The following MCF2L variants were observed in gnomAD, a reference collection of about 807,000 sequenced individuals.
MCF2L encodes MCF.2 cell line derived transforming sequence like.
A neutral mutation model predicts 153.4 loss-of-function variants in MCF2L; 97 were observed. That is an observed-to-expected ratio of 0.63 (90% CI 0.54 to 0.75). The LOEUF (loss-of-function observed/expected upper bound fraction) is 0.75. Ranked by LOEUF, MCF2L falls within the 30% of genes least tolerant of loss-of-function variation. The pLI, the probability that MCF2L is intolerant of heterozygous loss-of-function variation, is 0.00. For missense variants in MCF2L, 1,347 were observed against 1,495.2 expected (o/e 0.90, Z 1.64); for synonymous variants, 659 against 632.2 (o/e 1.04, Z -0.64).
At chr13:113,044,864 C>T (rs1245544616) in intron 3 of MCF2L, 4 of 1,612,906 alleles carry the variant, frequency 2.5e-6, no homozygotes, top group African/African-American at 1.3e-5. Flanking sequence ...AGCACGGGCA[C>T]CTCAGATGCC....
intron 26 of MCF2L, chr13:113,093,909 C>T (rs2035427888): frequency 6.6e-6 from 1 of 152,354 alleles, no homozygotes; most frequent in African/African-American, 2.4e-5. Context: ...GGAAGAAGCT[C>T]CTTCCTCTTC....
intron 1 of MCF2L, among the ~76,000 whole-genome samples, chr13:112,991,870 G>C (rs1292310250): frequency 1.3e-5 from 2 of 152,322 alleles, no homozygotes; most frequent in African/African-American, 2.4e-5. Flanking sequence ...GCCTATGTGG[G>C]ATTCAGCCCA....
chr13:112,996,083 C>T lies in MCF2L; in HGVS notation c.80-18680C>T, dbSNP rs529142860. Among the ~76,000 whole-genome samples, 8 of 152,322 alleles carry T rather than the reference C, an allele frequency of 5.3e-5. No homozygotes were observed. In the South Asian group the frequency reaches 1.7e-3, roughly 32 times the overall value. On this transcript the variant is annotated intron_variant, in intron 1 of 29. Transcript: ENST00000535094. ...TTAGAGACCTCCCCTTTTCCCGAAG[C>T]CACCAGACTCATGCAGTCTCCAAGG...
At chr13:112,947,317 T>C (rs1304371019) in intron 2 of MCF2L, among the ~76,000 whole-genome samples, 1 of 152,176 alleles carries the variant, frequency 6.6e-6, no homozygotes, top group African/African-American at 2.4e-5. Context: ...ACATGCAAAA[T>C]ACATTTATTC....
chr13:113,019,066 TCTC>T (rs147881718), intron 2 of MCF2L, among the ~76,000 whole-genome samples: 2,515 of 152,264 alleles, frequency 0.017, 66 homozygotes, highest in African/African-American at 0.057. Context: ...CTTCGTCTCT[TCTC>T]CTTTCCTCAC....
Position 113,097,923 on chromosome 13 carries a change from G to C in MCF2L, c.*1064G>C, listed in dbSNP as rs1595058083. ...TGGTGACCACCTTGAGTACAGAAGTGAAAGTGGGGAGAGTATTTTATTCAA... is the reference window on the plus strand; with the variant it reads ...TGGTGACCACCTTGAGTACAGAAGTCAAAGTGGGGAGAGTATTTTATTCAA... On this transcript the variant is annotated 3_prime_UTR_variant, in exon 30 of 30. Coordinates refer to ENST00000535094, the MANE Select transcript of MCF2L (RefSeq NM_001112732.3). The C allele has an allele frequency of 6.6e-6, 1 of 152,212 alleles. No homozygotes were observed. Among genetic ancestry groups the C allele is most frequent in the Non-Finnish European group, 1.5e-5 (1 of 68,052 alleles). The allele number at this position is 152,212 out of a possible 1,614,324, so 9.4% of individuals were successfully genotyped here.
chr13:113,052,699 G>A (rs1364008492), intron 4 of MCF2L: 3 of 152,590 alleles, frequency 2.0e-5, no homozygotes, highest in African/African-American at 7.2e-5. Flanking sequence ...CAGAAAACTT[G>A]GGAGAGTCTC....
Position 112,969,569 on chromosome 13 carries a change from C to A in MCF2L, c.79+111C>A. On this transcript the variant is annotated intron_variant, in intron 1 of 29. Coordinates refer to ENST00000535094, the MANE Select transcript of MCF2L (RefSeq NM_001112732.3). The surrounding 1 kb of genome is among the most constrained non-coding windows in gnomAD (Gnocchi z 4.8). ...AAGCCGCCCTCGTGTTCCTTTCTAG[C>A]CGTGGTAGCTGTGACATGGGGGGCA... 2 of 1,503,188 alleles carry A rather than the reference C, an allele frequency of 1.3e-6. No homozygotes were observed. Among genetic ancestry groups the A allele is most frequent in the African/African-American group, 1.4e-5 (1 of 72,186 alleles). 93.1% of individuals were successfully genotyped at this position (1,503,188 alleles called of 1,614,324 possible).
chr13:113,078,696 G>A lies in MCF2L; in HGVS notation c.1765G>A (p.Gly589Ser), dbSNP rs140378410. The change falls in exon 15 of 30, where the codon GGC becomes AGC. Residue 589 changes from glycine (G) to serine (S), a missense_variant. This residue lies in a region of MCF2L where 820 missense variants were observed against 921.2 expected (regional missense o/e 0.89). Coordinates refer to ENST00000535094, the MANE Select transcript of MCF2L (RefSeq NM_001112732.3). ...GATGAGTGAGAGCCGGCAGGGCCGC[G>A]GCTCAGCGGGGGAGGAGGAGGAAAG... Reference protein sequence around the residue: ...SEMSESRQGRGSAGEEEESLA... With the variant: ...SEMSESRQGRSSAGEEEESLA... 2.7e-5 allele frequency: 44 copies of A among 1,610,930 alleles called. No individual in the cohort carries two copies. Among genetic ancestry groups the A allele is most frequent in the Middle Eastern group, 3.3e-4 (2 of 6,062 alleles).
chr13:113,055,757 C>T (rs373988203), intron 4 of MCF2L, among the ~76,000 whole-genome samples: 1 of 152,220 alleles, frequency 6.6e-6, no homozygotes, highest in Non-Finnish European at 1.5e-5. Context: ...TGTAATTCAG[C>T]CTGTCCGTCA....
At position 112,991,404 on chromosome 13, in the gene MCF2L, G is replaced by A. The variant is rs560941887; in HGVS notation, c.79+21946G>A. Among the ~76,000 whole-genome samples, 36 of 151,678 alleles carry A rather than the reference G, an allele frequency of 2.4e-4. No individual in the cohort carries two copies. The South Asian group carries it at 4.6e-3, about 19-fold the overall frequency. On this transcript the variant is annotated intron_variant, in intron 1 of 29. Coordinates refer to ENST00000535094, the MANE Select transcript of MCF2L (RefSeq NM_001112732.3). ...AGGACCTGATTCGCTGTGTTTTGGG[G>A]GGTGTCTCTGAGGACCTGATTCACT...
chr13:113,060,037 G>A (rs1343342408), intron 4 of MCF2L, among the ~76,000 whole-genome samples: 1 of 152,178 alleles, frequency 6.6e-6, no homozygotes, highest in African/African-American at 2.4e-5. Flanking sequence ...TGGCCGGAGG[G>A]GGCTCCTTCC....
At position 113,078,688 on chromosome 13, in the gene MCF2L, A is replaced by T; in HGVS notation, c.1757A>T (p.Gln586Leu). The T allele has an allele frequency of 1.2e-6, 2 of 1,611,896 alleles. No homozygotes were observed. Among genetic ancestry groups the T allele is most frequent in the Non-Finnish European group, 1.7e-6 (2 of 1,179,770 alleles). Residue 586 changes from glutamine (Q) to leucine (L), a missense_variant, in exon 15 of 30, where the codon CAG (glutamine) becomes CTG (leucine). Gln to Leu is a moderately radical substitution (Grantham distance 113, BLOSUM62 -2). This residue lies in a region of MCF2L where 820 missense variants were observed against 921.2 expected (regional missense o/e 0.89). Transcript: ENST00000535094. ...RAKSEMSESR[Q>L]GRGSAGEEEE... ...CAGAGTGAGATGAGTGAGAGCCGGC[A>T]GGGCCGCGGCTCAGCGGGGGAGGAG... is the stretch of plus-strand genomic sequence containing the variant.
At chr13:112,956,948 C>T (rs1004402021) in intron 2 of MCF2L, 3 of 152,234 alleles carry the variant, frequency 2.0e-5, no homozygotes, top group Non-Finnish European at 2.9e-5. Context: ...CAGATCTGGT[C>T]ACATTCTGCC....
intron 1 of MCF2L, among the ~76,000 whole-genome samples, chr13:112,971,367 G>A (rs2082033160): frequency 6.6e-6 from 1 of 152,150 alleles, no homozygotes; most frequent in Admixed American, 6.5e-5. Context: ...GGTCATGCTA[G>A]GATCCGTGCC....
intron 1 of MCF2L, among the ~76,000 whole-genome samples, chr13:112,987,267 G>A (rs555940507): frequency 6.6e-6 from 1 of 152,334 alleles, no homozygotes; most frequent in South Asian, 2.1e-4. Context: ...TTCCCGAAAC[G>A]CTGTTGTCTG....
chr13:112,971,519 C>T (rs538231278), intron 1 of MCF2L, among the ~76,000 whole-genome samples: 2 of 152,318 alleles, frequency 1.3e-5, no homozygotes, highest in East Asian at 1.9e-4. Context: ...TGCAGAGCTT[C>T]ACCCTCTGTA....
At chr13:112,988,063 G>C (rs983782070) in intron 1 of MCF2L, among the ~76,000 whole-genome samples, 1 of 152,234 alleles carries the variant, frequency 6.6e-6, no homozygotes, top group African/African-American at 2.4e-5. Flanking sequence ...GCGGGGCGAG[G>C]AGGCCTCCTT....
chr13:112,988,165 G>A (rs1314599971), intron 1 of MCF2L, among the ~76,000 whole-genome samples: 2 of 151,984 alleles, frequency 1.3e-5, no homozygotes, highest in Non-Finnish European at 2.9e-5. Flanking sequence ...CAGCGCACAT[G>A]TACACACCGT....
Sources: allele counts gnomAD v4.1 joint callset (sites outside exome capture counted in the v4.1 genomes callset), GRCh38; gene constraint gnomAD v4.1.1; regional missense constraint gnomAD v4.1.1; non-coding constraint Gnocchi (gnomAD v3.1); transcripts MANE v1.5; gene names NCBI Gene and HGNC (gene_info 2026-07-23, HGNC 2026-07-21).